The following KPNA5 variants were observed in gnomAD, a reference collection of about 807,000 sequenced individuals.
The protein encoded by KPNA5 is importin subunit alpha-6.
A neutral mutation model predicts 71.3 loss-of-function variants in KPNA5; 46 were observed. The ratio of observed to expected loss-of-function variants is 0.65; its 90% CI spans 0.51 to 0.83. KPNA5 has a LOEUF of 0.83. Ranked by LOEUF, KPNA5 falls within the 40% of genes least tolerant of loss-of-function variation. The pLI is 0.00. For missense variants in KPNA5, 547 were observed against 628.3 expected, an observed-to-expected ratio of 0.87 and a Z score of 1.38; for synonymous variants, 207 against 201.4, an observed-to-expected ratio of 1.03 and a Z score of -0.24.
chr6:116,702,832 A>C (rs1778280669), intron 6 of KPNA5, among the ~76,000 whole-genome samples: 2 of 152,180 alleles, frequency 1.3e-5, no homozygotes, highest in African/African-American at 2.4e-5. Context: ...TTTGAATAGA[A>C]CCATTTTTTA....
intron 5 of KPNA5, 36 bp from the exon 6 acceptor site, chr6:116,701,983 G>T: frequency 6.3e-7 from 1 of 1,589,492 alleles, no homozygotes; most frequent in Non-Finnish European, 8.5e-7. Context: ...CAATTCTTTG[G>T]TTCTTTCATT....
chr6:116,686,334 G>C (rs1180212925), intron 1 of KPNA5, among the ~76,000 whole-genome samples: 1 of 151,904 alleles, frequency 6.6e-6, no homozygotes, highest in African/African-American at 2.4e-5. Context: ...TATGCTTCTT[G>C]GCTGCATGTA....
Position 116,724,350 on chromosome 6 carries a change from T to A in KPNA5, c.974T>A (p.Val325Glu). 1.2e-6 allele frequency: 2 copies of A among 1,610,828 alleles called. No individual in the cohort carries two copies. The highest frequency in any genetic ancestry group is 1.7e-6 in the Non-Finnish European group (2 of 1,177,264). Residue 325 changes from valine to glutamate, a missense_variant, in exon 10 of 14, where the codon GTG (valine) becomes GAG (glutamate). Physicochemically the swap from Val to Glu is moderately radical, Grantham distance 121. Transcript: ENST00000368564. The stretch of plus-strand genomic sequence containing the variant: ...GCATTAAGGGCAGTTGGTAATATTG[T>A]GACTGGTGATGATATTCAAACACAG... Reference protein sequence around the residue: ...SPALRAVGNIVTGDDIQTQVI... With the variant: ...SPALRAVGNIETGDDIQTQVI...
At chr6:116,703,036 CT>C (rs35687950) in intron 6 of KPNA5, among the ~76,000 whole-genome samples, 3 of 151,750 alleles carry the variant, frequency 2.0e-5, no homozygotes, top group African/African-American at 7.3e-5. Flanking sequence ...TATTGGGAGC[CT>C]TTTTTTATGG....
intron 7 of KPNA5, among the ~76,000 whole-genome samples, chr6:116,713,731 T>C (rs1171469001): frequency 1.3e-5 from 2 of 152,202 alleles, no homozygotes. Flanking sequence ...TCATTCTTTT[T>C]CTTTCTGCTT....
intron 1 of KPNA5, among the ~76,000 whole-genome samples, chr6:116,684,003 C>T (rs927274040): frequency 6.9e-6 from 1 of 145,880 alleles, no homozygotes; most frequent in Non-Finnish European, 1.5e-5. Flanking sequence ...ACCTCTGCCT[C>T]CCGAGTTCAA....
chr6:116,700,026 A>T (rs981188515), intron 5 of KPNA5, among the ~76,000 whole-genome samples: 2 of 152,248 alleles, frequency 1.3e-5, no homozygotes, highest in African/African-American at 4.8e-5. Context: ...GACACAGAAC[A>T]TAGCAACTTA....
chr6:116,726,429 AT>A (rs1562455048), intron 11 of KPNA5, 65 bp from the exon 12 acceptor site: 8 of 1,333,668 alleles, frequency 6.0e-6, no homozygotes, highest in East Asian at 5.4e-5. Flanking sequence ...GAGTTTCAAG[AT>A]TTTTTTTACT....
chr6:116,684,698 G>T (rs1346533699), intron 1 of KPNA5, among the ~76,000 whole-genome samples: 1 of 152,112 alleles, frequency 6.6e-6, no homozygotes, highest in Non-Finnish European at 1.5e-5. Context: ...AGCTCTACAT[G>T]ATAGCAAATG....
intron 4 of KPNA5, among the ~76,000 whole-genome samples, chr6:116,695,210 T>G (rs1038679652): frequency 6.6e-6 from 1 of 152,156 alleles, no homozygotes; most frequent in Non-Finnish European, 1.5e-5. Context: ...ATTACAGGTG[T>G]GAGCCACCAT....
At chr6:116,725,956 A>C in intron 11 of KPNA5, 80 bp downstream of exon 11, 7 of 1,479,674 alleles carry the variant, frequency 4.7e-6, no homozygotes, top group Non-Finnish European at 3.7e-6. Flanking sequence ...TTTTACTAAA[A>C]AAGATTCCTT....
At chr6:116,711,497 G>A (rs1352617223) in intron 7 of KPNA5, among the ~76,000 whole-genome samples, 1 of 144,500 alleles carries the variant, frequency 6.9e-6, no homozygotes, top group African/African-American at 2.6e-5. Flanking sequence ...TTAAGTTTTG[G>A]TGTGTTTTTT....
In KPNA5 at chr6:116,734,689, TATTTCATCAGGCAGAGCCCTGAC is replaced by T. The variant is rs560768118; in HGVS notation, c.*2367_*2389del. On this transcript the variant is annotated 3_prime_UTR_variant, in exon 14 of 14. Coordinates refer to ENST00000368564, the MANE Select transcript of KPNA5 (RefSeq NM_001366306.2). The stretch of plus-strand genomic sequence containing the variant: ...CTCTTTTCAAGTATACCATTTAAAA[TATTTCATCAGGCAGAGCCCTGAC>T]CAGGAAAAAAAAAAAAAAAGAAAGA... The T allele has an allele frequency of 1.7e-4, 22 of 127,162 alleles. No individual in the cohort carries two copies. The East Asian group carries it at 4.2e-3, about 24-fold the overall frequency. The allele number at this position is 127,162 out of a possible 1,614,324, so 7.9% of individuals were successfully genotyped here. A position where few individuals can be genotyped will look rare whatever the true frequency, so the allele number is the denominator to read the frequency against.
Position 116,681,237 on chromosome 6 carries a change from C to A in KPNA5, c.-98C>A. 2.6e-6 allele frequency: 4 copies of A among 1,537,054 alleles called. No individual in the cohort carries two copies. The highest frequency in any genetic ancestry group is 3.6e-5 in the Admixed American group (2 of 55,596). Reference sequence around the variant, plus strand: ...TCTTGGATTGCGAACTGGGTCGCTACGCTTCACGCCAGGGGCGGAGTGGCG... The same window carrying A: ...TCTTGGATTGCGAACTGGGTCGCTAAGCTTCACGCCAGGGGCGGAGTGGCG... On this transcript the variant is annotated 5_prime_UTR_variant, in exon 1 of 14. Transcript: ENST00000368564.
rs541825096 is a variant in KPNA5, at chr6:116,737,837, G to A, written c.*5514G>A. On this transcript the variant is annotated 3_prime_UTR_variant, in exon 14 of 14. Coordinates refer to ENST00000368564, the MANE Select transcript of KPNA5 (RefSeq NM_001366306.2). ...GTCTCAATCACTTTCGCTGAATTCA[G>A]TTATAGTGATTATAGTCTTTTTACT... 5 of 151,980 alleles carry A rather than the reference G, an allele frequency of 3.3e-5. No individual in the cohort carries two copies. The South Asian group carries it at 1.0e-3, about 32-fold the overall frequency. 9.4% of individuals were successfully genotyped at this position (151,980 alleles called of 1,614,324 possible). A position where few individuals can be genotyped will look rare whatever the true frequency, so the allele number is the denominator to read the frequency against.
intron 13 of KPNA5, 61 bp downstream of exon 13, chr6:116,729,802 C>T (rs1313282258): frequency 9.4e-7 from 1 of 1,063,128 alleles, no homozygotes; most frequent in Non-Finnish European, 1.3e-6. Context: ...ATACTTTCCC[C>T]TTCCAGTTCC....
chr6:116,681,502 G>A (rs927863814), intron 1 of KPNA5, 164 bp downstream of exon 1: 8 of 1,367,148 alleles, frequency 5.9e-6, no homozygotes, highest in Middle Eastern at 2.1e-4. Context: ...GGGCGACAGC[G>A]GTCGCGGGGG....
intron 7 of KPNA5, among the ~76,000 whole-genome samples, chr6:116,705,791 G>C (rs1225419702): frequency 1.3e-5 from 2 of 152,154 alleles, no homozygotes; most frequent in Non-Finnish European, 2.9e-5. Flanking sequence ...GAGATGGCTA[G>C]AAGTAAATAT....
rs752322112 is a variant in KPNA5 at position 116,681,291 on chromosome 6, C to T, written c.-44C>T. ...CTTCTGTTACCCGCCACACACGTCGCCGCTGGGGACTGGGAAATCAGGGCA... is the reference window on the plus strand; with the variant it reads ...CTTCTGTTACCCGCCACACACGTCGTCGCTGGGGACTGGGAAATCAGGGCA... On this transcript the variant is annotated 5_prime_UTR_variant, in exon 1 of 14. Coordinates refer to ENST00000368564, the MANE Select transcript of KPNA5 (RefSeq NM_001366306.2). 6.2e-6 allele frequency: 10 copies of T among 1,609,970 alleles called. No individual in the cohort carries two copies. The South Asian group carries it at 1.1e-4, about 18-fold the overall frequency.
Sources: gnomAD v4.1 joint callset for allele counts (sites outside exome capture counted in the v4.1 genomes callset) on GRCh38, gnomAD v4.1.1 for gene constraint, MANE v1.5 for transcripts, NCBI Gene and HGNC (gene_info 2026-07-23, HGNC 2026-07-21) for gene names.